Variants in SAMD11 observed in about 807,000 individuals in gnomAD.
SAMD11 encodes sterile alpha motif domain containing 11.
SAMD11 carries 77 observed loss-of-function variants against 64.4 expected under a neutral mutation model. That is an observed-to-expected ratio of 1.20 (90% confidence interval 0.99 to 1.44). The LOEUF (loss-of-function observed/expected upper bound fraction) is 1.44, where lower values mean the gene tolerates loss of function less well. Among genes scored for constraint, SAMD11 ranks in the 40% most tolerant of loss-of-function variants. SAMD11 has a pLI of 0.00. For missense variants in SAMD11, 1,402 were observed against 943.3 expected (o/e 1.49, Z -6.37); for synonymous variants, 658 against 421.9 (o/e 1.56, Z -6.86).
Position 942,630 on chromosome 1 carries a change from A to G in SAMD11, c.1625A>G (p.Glu542Gly). ...ESARPQLLAPETALRPNDGAE... is the reference protein window; with the variant it reads ...ESARPQLLAPGTALRPNDGAE... Reference sequence around the variant, plus strand: ...GCGCGCCCACAGCTGCTGGCGCCCGAGACCGCCCTGCGCCCCAACGACGGC... The same window carrying G: ...GCGCGCCCACAGCTGCTGGCGCCCGGGACCGCCCTGCGCCCCAACGACGGC... Residue 542 changes from glutamate (E) to glycine (G), a missense_variant, in exon 11 of 14, where the codon GAG becomes GGG. Coordinates refer to ENST00000616016, the MANE Select transcript of SAMD11 (RefSeq NM_001385641.1). The G allele has an allele frequency of 6.9e-7, 1 of 1,439,826 alleles. No homozygotes were observed. The highest frequency in any genetic ancestry group is 2.8e-5 in the Admixed American group (1 of 35,614). The allele number at this position is 1,439,826 out of a possible 1,614,324, so 89.2% of individuals were successfully genotyped here. A position where few individuals can be genotyped will look rare whatever the true frequency, so the allele number is the denominator to read the frequency against.
At chr1:928,127 C>T (rs942241576) in intron 2 of SAMD11, among the ~76,000 whole-genome samples, 44 of 152,170 alleles carry the variant, frequency 2.9e-4, no homozygotes, top group African/African-American at 8.7e-4. Context: ...GGTGTGGTGG[C>T]GCATGCCTGT....
In SAMD11 at chr1:926,009, C is replaced by A; in HGVS notation, c.605C>A (p.Pro202Gln). 1.2e-6 allele frequency: 2 copies of A among 1,611,442 alleles called. No homozygotes were observed. Among genetic ancestry groups the A allele is most frequent in the Non-Finnish European group, 1.7e-6 (2 of 1,179,838 alleles). The change falls in exon 2 of 14, where the codon CCG becomes CAG. Residue 202 changes from proline (P) to glutamine (Q), a missense_variant. By Grantham distance (76) the Pro-to-Gln change is moderately conservative. Transcript: ENST00000616016. Reference sequence around the variant, plus strand: ...TGCCCGGGCTGCCGAATATCCTCCCCGGTGGTGAGATGCGGGGCTCGGTTG... The same window carrying A: ...TGCCCGGGCTGCCGAATATCCTCCCAGGTGGTGAGATGCGGGGCTCGGTTG... Reference protein sequence around the residue: ...CDCPGCRISSPVNRGRLADKR... With the variant: ...CDCPGCRISSQVNRGRLADKR...
intron 5 of SAMD11, 142 bp from the exon 6 acceptor site, chr1:938,898 C>G: frequency 1.4e-6 from 1 of 736,612 alleles, no homozygotes; most frequent in South Asian, 1.6e-5. Context: ...GCTGGGGCTG[C>G]CAGGGCTGGG....
chr1:941,153 G>A lies in SAMD11; in HGVS notation c.1205G>A (p.Arg402Lys). 1 of 1,599,528 alleles carries A rather than the reference G, an allele frequency of 6.3e-7. No homozygotes were observed. Among genetic ancestry groups the A allele is most frequent in the Non-Finnish European group, 8.5e-7 (1 of 1,174,066 alleles). ...GTTGTCCCCCACCCAGATCTCCTGAGGGTCCGGCAGGAGGTGGCGGCTGCA... is the reference window on the plus strand; with the variant it reads ...GTTGTCCCCCACCCAGATCTCCTGAAGGTCCGGCAGGAGGTGGCGGCTGCA... Reference protein sequence around the residue: ...HLGLPSHDLLRVRQEVAAAAL... With the variant: ...HLGLPSHDLLKVRQEVAAAAL... The change falls in exon 8 of 14, where the codon AGG (arginine) becomes AAG (lysine). Residue 402 changes from arginine (R) to lysine (K), a missense_variant. By Grantham distance (26) the Arg-to-Lys change is conservative (BLOSUM62 2). Coordinates refer to ENST00000616016, the MANE Select transcript of SAMD11 (RefSeq NM_001385641.1).
At chr1:939,610 G>A in intron 7 of SAMD11, 198 bp downstream of exon 7, 1 of 921,132 alleles carries the variant, frequency 1.1e-6, no homozygotes, top group Non-Finnish European at 1.6e-6. Flanking sequence ...CCTGGGGCGG[G>A]CCACACCTCC....
intron 5 of SAMD11, among the ~76,000 whole-genome samples, chr1:937,465 G>A (rs1425277664): frequency 6.7e-6 from 1 of 150,038 alleles, no homozygotes; most frequent in Non-Finnish European, 1.5e-5. Context: ...AACGGAGAGG[G>A]TAGTTTCCAC....
At chr1:927,879 G>T (rs558709059) in intron 2 of SAMD11, among the ~76,000 whole-genome samples, 4 of 152,356 alleles carry the variant, frequency 2.6e-5, no homozygotes, top group Admixed American at 2.0e-4. Flanking sequence ...AGCCACTCCA[G>T]ACCTGCCCTC....
In SAMD11 at chr1:925,919, C is replaced by T. The variant is rs1569858047; in HGVS notation, c.518-3C>T. 1.2e-6 allele frequency: 2 copies of T among 1,607,864 alleles called. No individual in the cohort carries two copies. The highest frequency in any genetic ancestry group is 1.7e-6 in the Non-Finnish European group (2 of 1,177,046). ...ACAGGGTCTGCCTCGGCTCTGCTCG[C>T]AGGGAAAAGTCTGAAGACGCTTATG... On this transcript the variant is annotated splice_region_variant and splice_polypyrimidine_tract_variant and intron_variant, in intron 1 of 13. Transcript: ENST00000616016.
chr1:940,392 G>A (rs1641691413), intron 7 of SAMD11: 1 of 151,788 alleles, frequency 6.6e-6, no homozygotes, highest in Non-Finnish European at 1.5e-5. Flanking sequence ...TGGGATCGAT[G>A]CGGGCGGCCG....
At chr1:942,374 G>A in intron 9 of SAMD11, 36 bp from the exon 10 acceptor site, 4 of 1,264,456 alleles carry the variant, frequency 3.2e-6, no homozygotes. Context: ...GACCGCCTCG[G>A]ACCCCCCGAC....
intron 5 of SAMD11, among the ~76,000 whole-genome samples, chr1:936,738 G>A (rs578141318): frequency 1.8e-4 from 27 of 152,300 alleles, no homozygotes; most frequent in African/African-American, 4.6e-4. Context: ...CCCCATCCGC[G>A]TCCTCGTGCA....
intron 2 of SAMD11, among the ~76,000 whole-genome samples, chr1:926,559 G>C (rs984376941): frequency 2.0e-5 from 3 of 152,204 alleles, no homozygotes; most frequent in Non-Finnish European, 2.9e-5. Context: ...AGTCTTTGCA[G>C]TGTGGGCCTT....
intron 12 of SAMD11, 146 bp downstream of exon 12, chr1:943,523 CACCT>C (rs1641947093): frequency 4.6e-6 from 4 of 872,356 alleles, no homozygotes; most frequent in African/African-American, 2.0e-5. Flanking sequence ...CTGTGCACCC[CACCT>C]TTTTTTTTTT....
rs771052376 is a variant in SAMD11 at position 942,709 on chromosome 1, G to A, written c.1704G>A (p.Ala568=). 2.9e-5 allele frequency: 41 copies of A among 1,436,462 alleles called. 1 individual carries two copies. The highest frequency in any genetic ancestry group is 2.2e-4 in the South Asian group (15 of 69,176). The allele number at this position is 1,436,462 out of a possible 1,614,324, so 89.0% of individuals were successfully genotyped here. ...GALLVLNHGA[A]PLLALPPQGP... is the part of the protein sequence containing the mutation. ...TGCTGGTGCTGAACCACGGCGCGGCGCCACTGCTGGCCCTGCCCCCCCAGG... is the reference window on the plus strand; with the variant it reads ...TGCTGGTGCTGAACCACGGCGCGGCACCACTGCTGGCCCTGCCCCCCCAGG... The change falls in exon 11 of 14, where the codon GCG becomes GCA. Residue 568 remains alanine (A), a synonymous_variant. Transcript: ENST00000616016.
chr1:941,177 C>G lies in SAMD11; in HGVS notation c.1229C>G (p.Ala410Gly). 1 of 1,602,220 alleles carries G rather than the reference C, an allele frequency of 6.2e-7. No individual in the cohort carries two copies. Among genetic ancestry groups the G allele is most frequent in the Non-Finnish European group, 8.5e-7 (1 of 1,175,372 alleles). Reference protein sequence around the residue: ...LLRVRQEVAAAALRGPSGLEA... With the variant: ...LLRVRQEVAAGALRGPSGLEA... ...AGGGTCCGGCAGGAGGTGGCGGCTG[C>G]AGCTCTGAGGGGCCCCAGTGGCCTG... is the stretch of plus-strand genomic sequence containing the variant. The change falls in exon 8 of 14, where the codon GCA becomes GGA. Residue 410 changes from alanine to glycine, a missense_variant. Coordinates refer to ENST00000616016, the MANE Select transcript of SAMD11 (RefSeq NM_001385641.1).
In SAMD11 at chr1:930,207, A is replaced by G. The variant is rs1641104034; in HGVS notation, c.662A>G (p.Asn221Ser). ...ACAGTCGCCCTGCCTGCCGCCCGGA[A>G]CCTGAAGAAGGAGCGAACTCCCAGC... ...KRTVALPAAR[N>S]LKKERTPSFS... Residue 221 changes from asparagine to serine, a missense_variant, in exon 3 of 14, where the codon AAC (asparagine) becomes AGC (serine). Asn to Ser is a conservative substitution (Grantham distance 46). Coordinates refer to ENST00000616016, the MANE Select transcript of SAMD11 (RefSeq NM_001385641.1). 3 of 1,576,526 alleles carry G rather than the reference A, an allele frequency of 1.9e-6. No homozygotes were observed. The highest frequency in any genetic ancestry group is 1.2e-5 in the South Asian group (1 of 86,296).
rs376168184 is a variant in SAMD11, at chr1:943,665, C to T, written c.2179-33C>T. On this transcript the variant is annotated intron_variant, in intron 12 of 13. Transcript: ENST00000616016. ...CTGGGCTGGAGGATGGAGCAGCACC[C>T]GGGTCCTGACCCTCCCTCCCTCCCC... is the stretch of plus-strand genomic sequence containing the variant. 2.3e-4 allele frequency: 352 copies of T among 1,506,832 alleles called. 1 individual carries two copies. In the African/African-American group the frequency reaches 3.4e-3, roughly 15 times the overall value. 93.3% of individuals were successfully genotyped at this position (1,506,832 alleles called of 1,614,324 possible).
At chr1:937,160 ATTCACCCTGGGGGGCG>A (rs1466564724) in intron 5 of SAMD11, among the ~76,000 whole-genome samples, 1 of 152,008 alleles carries the variant, frequency 6.6e-6, no homozygotes, top group Non-Finnish European at 1.5e-5. Flanking sequence ...TTGGAGGGGC[ATTCACCCTGGGGGGCG>A]TTCACCTCTT....
At chr1:929,362 G>C (rs1641059245) in intron 2 of SAMD11, among the ~76,000 whole-genome samples, 1 of 152,226 alleles carries the variant, frequency 6.6e-6, no homozygotes, top group Non-Finnish European at 1.5e-5. Context: ...ATGCGGGGCA[G>C]GGTTTGCGGA....
Sources: gnomAD v4.1 joint callset for allele counts (sites outside exome capture counted in the v4.1 genomes callset) on GRCh38, gnomAD v4.1.1 for gene constraint, MANE v1.5 for transcripts, NCBI Gene and HGNC (gene_info 2026-07-23, HGNC 2026-07-21) for gene names.